Variants in TTC1 observed in about 807,000 individuals in gnomAD.
The protein encoded by TTC1 is tetratricopeptide repeat protein 1.
Under a neutral mutation model 37.6 loss-of-function variants are expected in TTC1, and 31 were observed. The ratio of observed to expected loss-of-function variants is 0.82; its 90% CI spans 0.62 to 1.11. The LOEUF (loss-of-function observed/expected upper bound fraction) is 1.11, where lower values mean the gene tolerates loss of function less well. Among genes scored for constraint, TTC1 ranks in the 50% most tolerant of loss-of-function variants. TTC1 has a pLI of 0.00. For synonymous variants in TTC1, 127 were observed against 122.4 expected (o/e 1.04, Z -0.25); for missense variants, 351 against 339.0 (o/e 1.04, Z -0.28).
At chr5:160,032,858 C>T (rs1200358047) in intron 2 of TTC1, among the ~76,000 whole-genome samples, 1 of 151,016 alleles carries the variant, frequency 6.6e-6, no homozygotes, top group Non-Finnish European at 1.5e-5. Context: ...GGACTACAGG[C>T]GCCTGCCACC....
At chr5:160,040,921 C>T (rs923146815) in intron 4 of TTC1, among the ~76,000 whole-genome samples, 1 of 151,100 alleles carries the variant, frequency 6.6e-6, no homozygotes, top group African/African-American at 2.4e-5. Context: ...TATCTTTATT[C>T]TATATACTTT....
intron 5 of TTC1, among the ~76,000 whole-genome samples, chr5:160,045,099 A>T (rs543701029): frequency 1.2e-4 from 19 of 152,168 alleles, no homozygotes; most frequent in African/African-American, 1.9e-4. Context: ...TGGGAAGTTT[A>T]AATTAGGAAC....
At chr5:160,060,503 C>T (rs982103445) in intron 7 of TTC1, among the ~76,000 whole-genome samples, 2 of 152,114 alleles carry the variant, frequency 1.3e-5, no homozygotes, top group South Asian at 4.1e-4. Flanking sequence ...TGGACATATT[C>T]AGGCTGAGTG....
intron 7 of TTC1, among the ~76,000 whole-genome samples, chr5:160,052,570 A>AAAAC (rs1757432493): frequency 1.3e-5 from 2 of 148,796 alleles, no homozygotes; most frequent in African/African-American, 2.5e-5. Flanking sequence ...AAAAAAAAAA[A>AAAAC]AAAACTGTTT....
rs569026199 is a variant in TTC1, at chr5:160,058,486, G to C, written c.746-6446G>C. Among the ~76,000 whole-genome samples the C allele has an allele frequency of 2.7e-3, 408 of 149,102 alleles. 3 individuals carry two copies. The highest frequency in any genetic ancestry group is 9.6e-3 in the African/African-American group (387 of 40,426). Reference sequence around the variant, plus strand: ...AGTGCAGTGGTGCGATCTCGGCTCAGTGCAAGCTCCGCCTCCTGGGTTCAC... The same window carrying C: ...AGTGCAGTGGTGCGATCTCGGCTCACTGCAAGCTCCGCCTCCTGGGTTCAC... On this transcript the variant is annotated intron_variant, in intron 7 of 7. Coordinates refer to ENST00000231238, the MANE Select transcript of TTC1 (RefSeq NM_003314.3).
At chr5:160,050,015 G>T (rs1377839814) in intron 6 of TTC1, among the ~76,000 whole-genome samples, 1 of 152,222 alleles carries the variant, frequency 6.6e-6, no homozygotes, top group Admixed American at 6.5e-5. Context: ...AGAGGTTGCA[G>T]TGAGCTGAGA....
intron 5 of TTC1, among the ~76,000 whole-genome samples, chr5:160,048,995 C>G (rs1199287256): frequency 6.6e-6 from 1 of 152,104 alleles, no homozygotes; most frequent in Non-Finnish European, 1.5e-5. Flanking sequence ...CACTTGAACT[C>G]TGTTCTGGCC....
At chr5:160,040,383 T>A (rs943059930) in intron 4 of TTC1, among the ~76,000 whole-genome samples, 2 of 152,200 alleles carry the variant, frequency 1.3e-5, no homozygotes, top group African/African-American at 4.8e-5. Context: ...CCTAGGACAT[T>A]ACACTACTGT....
chr5:160,019,393 C>T (rs1350133323), intron 2 of TTC1, among the ~76,000 whole-genome samples: 3 of 152,010 alleles, frequency 2.0e-5, no homozygotes, highest in Non-Finnish European at 4.4e-5. Context: ...TTTGGATTTC[C>T]ATGTTTCTGC....
At chr5:160,031,471 AGG>A (rs1756907407) in intron 2 of TTC1, among the ~76,000 whole-genome samples, 2 of 151,866 alleles carry the variant, frequency 1.3e-5, no homozygotes, top group Non-Finnish European at 2.9e-5. Context: ...AAAATTAGCC[AGG>A]TGTGGTGGTG....
intron 6 of TTC1, 35 bp downstream of exon 6, chr5:160,049,697 T>A (rs1757351632): frequency 2.0e-6 from 3 of 1,476,632 alleles, no homozygotes; most frequent in Non-Finnish European, 2.7e-6. Context: ...TTTTTCCTTC[T>A]ATTCTTTGTG....
chr5:160,050,532 AC>A (rs1487167858), intron 6 of TTC1, among the ~76,000 whole-genome samples: 4 of 151,886 alleles, frequency 2.6e-5, no homozygotes, highest in African/African-American at 9.7e-5. Context: ...ATCCTTTCAA[AC>A]TTTTTTCTGT....
At chr5:160,041,857 G>T (rs900425422) in intron 4 of TTC1, among the ~76,000 whole-genome samples, 1 of 152,144 alleles carries the variant, frequency 6.6e-6, no homozygotes, top group Non-Finnish European at 1.5e-5. Context: ...CCTTCACAGT[G>T]TTATACAGCC....
chr5:160,023,448 C>T (rs1041486761), intron 2 of TTC1, among the ~76,000 whole-genome samples: 4 of 151,970 alleles, frequency 2.6e-5, no homozygotes, highest in East Asian at 1.9e-4. Flanking sequence ...TAAGCCACCA[C>T]GCCCAGCTAA....
At chr5:160,046,952 C>T (rs1244257334) in intron 5 of TTC1, among the ~76,000 whole-genome samples, 2 of 152,030 alleles carry the variant, frequency 1.3e-5, no homozygotes, top group Non-Finnish European at 2.9e-5. Context: ...GTGGAGGTTG[C>T]AGTGAGCCGA....
At chr5:160,045,318 G>C (rs1581108878) in intron 5 of TTC1, among the ~76,000 whole-genome samples, 1 of 152,100 alleles carries the variant, frequency 6.6e-6, no homozygotes, top group Non-Finnish European at 1.5e-5. Context: ...TTCCGCATTT[G>C]TTTTTGGATT....
chr5:160,051,123 C>G lies in TTC1; in HGVS notation c.691-6C>G. ...TACCAACCCTTGTTTCTCCTCTTTT[C>G]CTCAGAGATTACCTAAGCAAATTGA... is the stretch of plus-strand genomic sequence containing the variant. On this transcript the variant is annotated splice_polypyrimidine_tract_variant and splice_region_variant and intron_variant, in intron 6 of 7. Transcript: ENST00000231238. 6.4e-7 allele frequency: 1 copy of G among 1,571,246 alleles called. No individual in the cohort carries two copies. The highest frequency in any genetic ancestry group is 8.6e-7 in the Non-Finnish European group (1 of 1,156,294).
rs367902474 is a variant in TTC1 at position 160,035,243 on chromosome 5, C to T, written c.391+43C>T. On this transcript the variant is annotated intron_variant, in intron 3 of 7. Coordinates refer to ENST00000231238, the MANE Select transcript of TTC1 (RefSeq NM_003314.3). ...ACTGATAATCTGGTCATCTTGACTC[C>T]TCATCCTGTTGTAGAGTCTGTGAAG... 34 of 1,509,810 alleles carry T rather than the reference C, an allele frequency of 2.3e-5. No individual in the cohort carries two copies. The African/African-American group carries it at 3.5e-4, about 16-fold the overall frequency. 93.5% of individuals were successfully genotyped at this position (1,509,810 alleles called of 1,614,324 possible).
intron 2 of TTC1, among the ~76,000 whole-genome samples, chr5:160,016,243 C>A (rs982486597): frequency 6.6e-6 from 1 of 152,036 alleles, no homozygotes; most frequent in Non-Finnish European, 1.5e-5. Context: ...CCAGGTATGG[C>A]GGTGCACACC....
Sources: allele counts gnomAD v4.1 joint callset (sites outside exome capture counted in the v4.1 genomes callset), GRCh38; gene constraint gnomAD v4.1.1; transcripts MANE v1.5; gene names NCBI Gene and HGNC (gene_info 2026-07-23, HGNC 2026-07-21).